CDH18: variants seen among roughly 807,000 people sequenced by gnomAD.
CDH18 encodes cadherin-18.
A neutral mutation model predicts 67.9 loss-of-function variants in CDH18; 31 were observed. That is an observed-to-expected ratio of 0.46 (90% CI 0.34 to 0.62). CDH18 has a LOEUF of 0.62. CDH18 is among the 20% of genes least tolerant of loss of function. CDH18 has a pLI of 0.01. For synonymous variants in CDH18, 362 were observed against 347.2 expected (o/e 1.04, Z -0.48); for missense variants, 890 against 975.5 (o/e 0.91, Z 1.17).
intron 1 of CDH18, among the ~76,000 whole-genome samples, chr5:20,509,078 A>G (rs1215842187): frequency 3.9e-5 from 6 of 152,178 alleles, no homozygotes; most frequent in Non-Finnish European, 8.8e-5. Flanking sequence ...TCACATGCTT[A>G]TCATTAATTA....
chr5:19,834,152 A>ATTTTTTTTTTTTTTTTTTTT (rs36060099), intron 3 of CDH18, among the ~76,000 whole-genome samples: 1 of 143,686 alleles, frequency 7.0e-6, no homozygotes. Context: ...TGGTCCTGGG[A>ATTTTTTTTTTTTTTTTTTTT]TTTTTTTTTT....
At chr5:19,764,328 A>C (rs1222851722) in intron 3 of CDH18, among the ~76,000 whole-genome samples, 1 of 152,070 alleles carries the variant, frequency 6.6e-6, no homozygotes, top group African/African-American at 2.4e-5. Context: ...AATAGTATAA[A>C]TGTGTTAGCT....
intron 2 of CDH18, among the ~76,000 whole-genome samples, chr5:20,249,556 G>C (rs1211912877): frequency 1.3e-5 from 2 of 151,722 alleles, no homozygotes; most frequent in South Asian, 2.1e-4. Context: ...CTAATTTTTT[G>C]TATTTTTAGT....
intron 1 of CDH18, among the ~76,000 whole-genome samples, chr5:20,313,461 A>G (rs1234364364): frequency 2.0e-5 from 3 of 152,062 alleles, no homozygotes; most frequent in South Asian, 2.1e-4. Flanking sequence ...TCTCAACCAC[A>G]TATCTGATGT....
rs866179265 is a variant in CDH18, at chr5:19,804,315, T to A, written c.228+34444A>T. On this transcript the variant is annotated intron_variant, in intron 3 of 12. Coordinates refer to ENST00000382275, the MANE Select transcript of CDH18 (RefSeq NM_004934.5). ...AGATTCCATCTCAAAAAAAAAAAAA[T>A]AAATAAAATAAATAAATAAGTAAAT... Among the ~76,000 whole-genome samples the A allele has an allele frequency of 4.1e-3, 608 of 148,402 alleles. 2 individuals carry two copies. Among genetic ancestry groups the A allele is most frequent in the African/African-American group, 0.013 (527 of 39,538 alleles).
chr5:19,645,397 G>A (rs1005384185), intron 5 of CDH18, among the ~76,000 whole-genome samples: 3 of 152,272 alleles, frequency 2.0e-5, no homozygotes, highest in Admixed American at 6.5e-5. Flanking sequence ...CCTTAGGAGC[G>A]AATGTGGCTG....
At chr5:20,106,341 T>G (rs562097876) in intron 2 of CDH18, among the ~76,000 whole-genome samples, 42 of 152,344 alleles carry the variant, frequency 2.8e-4, no homozygotes, top group African/African-American at 9.9e-4. Context: ...CTACTTGTTT[T>G]CTTAACGCTG....
intron 5 of CDH18, among the ~76,000 whole-genome samples, chr5:19,692,015 A>G (rs2150427084): frequency 6.6e-6 from 1 of 152,168 alleles, no homozygotes; most frequent in Admixed American, 6.5e-5. Context: ...ATAACAAGGT[A>G]TTGGTATAAA....
At chr5:19,824,061 A>T (rs1189576768) in intron 3 of CDH18, among the ~76,000 whole-genome samples, 1 of 152,218 alleles carries the variant, frequency 6.6e-6, no homozygotes, top group Non-Finnish European at 1.5e-5. Context: ...AAAATAAAAG[A>T]ATCCCAAAAC....
At chr5:19,674,932 A>T (rs969285022) in intron 5 of CDH18, among the ~76,000 whole-genome samples, 5 of 152,106 alleles carry the variant, frequency 3.3e-5, no homozygotes, top group African/African-American at 9.7e-5. Context: ...TATCACGGGA[A>T]ATTCAGCCCC....
intron 2 of CDH18, among the ~76,000 whole-genome samples, chr5:20,195,870 T>A (rs1371572245): frequency 6.6e-6 from 1 of 152,174 alleles, no homozygotes; most frequent in Non-Finnish European, 1.5e-5. Flanking sequence ...AATCACTTAA[T>A]GGAAAGTGTG....
intron 5 of CDH18, among the ~76,000 whole-genome samples, chr5:19,634,559 C>T (rs1752849385): frequency 1.3e-5 from 2 of 152,122 alleles, no homozygotes; most frequent in African/African-American, 2.4e-5. Context: ...CAAAAGTTAG[C>T]ATTTTTCTTA....
At chr5:20,201,171 C>T (rs1169766269) in intron 2 of CDH18, among the ~76,000 whole-genome samples, 2 of 151,758 alleles carry the variant, frequency 1.3e-5, no homozygotes, top group Non-Finnish European at 2.9e-5. Flanking sequence ...CAATCTTGGG[C>T]ATTCTTTGGC....
intron 1 of CDH18, among the ~76,000 whole-genome samples, chr5:20,320,220 A>C (rs1178567231): frequency 6.6e-6 from 1 of 152,162 alleles, no homozygotes; most frequent in African/African-American, 2.4e-5. Flanking sequence ...TTATATTTTA[A>C]TAAAATAATA....
chr5:19,819,826 C>T (rs980508055), intron 3 of CDH18, among the ~76,000 whole-genome samples: 17 of 152,104 alleles, frequency 1.1e-4, no homozygotes, highest in African/African-American at 3.1e-4. Context: ...GCCTTTCCCA[C>T]AGGACCATGG....
rs1423680207 is a variant in CDH18, at chr5:20,089,875, A to C, written c.-517-97861T>G. Among the ~76,000 whole-genome samples the C allele has an allele frequency of 2.0e-5, 3 of 152,156 alleles. No homozygotes were observed. The East Asian group carries it at 5.8e-4, about 29-fold the overall frequency. ...CATTACTTTTTATTAATTTCAACATATTAAAGAAATTTCCAATCATTAACA... is the reference window on the plus strand; with the variant it reads ...CATTACTTTTTATTAATTTCAACATCTTAAAGAAATTTCCAATCATTAACA... On this transcript the variant is annotated intron_variant, in intron 2 of 14. Transcript: ENST00000507958.
intron 9 of CDH18, among the ~76,000 whole-genome samples, chr5:19,523,836 C>T (rs137907850): frequency 1.2e-3 from 178 of 151,984 alleles, no homozygotes; most frequent in African/African-American, 4.1e-3. Flanking sequence ...ATGGCAACAA[C>T]GACAATAGGA....
intron 5 of CDH18, among the ~76,000 whole-genome samples, chr5:19,718,139 A>G (rs1188376256): frequency 1.3e-5 from 2 of 152,036 alleles, no homozygotes; most frequent in African/African-American, 4.8e-5. Flanking sequence ...TTTACAAAAT[A>G]GGAAGCCAAG....
chr5:19,834,800 G>T (rs1328973665), intron 3 of CDH18, among the ~76,000 whole-genome samples: 1 of 152,074 alleles, frequency 6.6e-6, no homozygotes, highest in Admixed American at 6.6e-5. Flanking sequence ...TCATTCAGGA[G>T]CAGGTTGCAT....
Sources: allele counts gnomAD v4.1 joint callset (sites outside exome capture counted in the v4.1 genomes callset), GRCh38; gene constraint gnomAD v4.1.1; transcripts MANE v1.5; gene names NCBI Gene and HGNC (gene_info 2026-07-23, HGNC 2026-07-21).